The following RNF213 variants were observed in gnomAD, a reference collection of about 807,000 sequenced individuals.
The protein encoded by RNF213 is E3 ubiquitin-protein ligase RNF213.
RNF213 carries 341 observed loss-of-function variants against 514.4 expected under a neutral mutation model. The ratio of observed to expected loss-of-function variants is 0.66; its 90% CI spans 0.61 to 0.73. The LOEUF (loss-of-function observed/expected upper bound fraction) is 0.73. Among genes scored for constraint, RNF213 ranks in the 30% least tolerant of loss-of-function variants. The pLI is 0.00. For missense variants in RNF213, 5,767 were observed against 6,615.6 expected, an observed-to-expected ratio of 0.87 and a Z score of 4.45; for synonymous variants, 2,655 against 2,658.2, an observed-to-expected ratio of 1.00 and a Z score of 0.04.
At chr17:80,325,676 C>CT (rs72532137) in intron 18 of RNF213, among the ~76,000 whole-genome samples, 2 of 74,164 alleles carry the variant, frequency 2.7e-5, no homozygotes, top group African/African-American at 2.1e-4. Flanking sequence ...GTCTGATTTC[C>CT]CCCCAGCCCC....
chr17:80,374,689 GATGCAGCCCATC>G, intron 50 of RNF213, 100 bp downstream of exon 50: 6 of 1,409,784 alleles, frequency 4.3e-6, no homozygotes, highest in Non-Finnish European at 5.9e-6. Context: ...ATGGACCACT[GATGCAGCCCATC>G]ACGTGACACT....
intron 11 of RNF213, among the ~76,000 whole-genome samples, chr17:80,305,919 ATTAAG>A (rs1262168361): frequency 3.3e-5 from 5 of 151,694 alleles, no homozygotes; most frequent in Admixed American, 6.6e-5. Flanking sequence ...ACGCCCGGCC[ATTAAG>A]TTAATTCTCA....
intron 3 of RNF213, among the ~76,000 whole-genome samples, chr17:80,285,042 C>T (rs761566335): frequency 1.3e-5 from 2 of 152,178 alleles, no homozygotes; most frequent in Non-Finnish European, 2.9e-5. Flanking sequence ...AGGGACCATT[C>T]CCCAGGATGG....
In RNF213 at chr17:80,295,777, A is replaced by G; in HGVS notation, c.1976A>G (p.His659Arg). The change falls in exon 10 of 68, where the codon CAC (histidine) becomes CGC (arginine). Residue 659 changes from histidine (H) to arginine (R), a missense_variant. Physicochemically the swap from His to Arg is conservative, Grantham distance 29. Transcript: ENST00000582970. ...TSDASSPDEF[H>R]RDLSHILGIP... ...GATGCCAGCTCACCAGATGAGTTTC[A>G]CCGTGACCTAAGCCACATCCTTGGG... The G allele has an allele frequency of 1.2e-6, 2 of 1,614,152 alleles. No individual in the cohort carries two copies. The highest frequency in any genetic ancestry group is 1.7e-6 in the Non-Finnish European group (2 of 1,180,032).
At chr17:80,389,125 C>T (rs748757110) in intron 64 of RNF213, 48 bp from the exon 65 acceptor site, 3 of 1,578,850 alleles carry the variant, frequency 1.9e-6, no homozygotes, top group Non-Finnish European at 2.6e-6. Flanking sequence ...TGGTGAGATG[C>T]CAGAAACCCA....
rs903482925 is a variant in RNF213 at position 80,395,265 on chromosome 17, T to C, written c.*1767T>C. 1.3e-5 allele frequency: 2 copies of C among 152,206 alleles called. No homozygotes were observed. The highest frequency in any genetic ancestry group is 4.8e-5 in the African/African-American group (2 of 41,444). 9.4% of individuals were successfully genotyped at this position (152,206 alleles called of 1,614,324 possible). A position where few individuals can be genotyped will look rare whatever the true frequency, so the allele number is the denominator to read the frequency against. On this transcript the variant is annotated 3_prime_UTR_variant, in exon 68 of 68. Coordinates refer to ENST00000582970, the MANE Select transcript of RNF213 (RefSeq NM_001256071.3). Reference sequence around the variant, plus strand: ...AAAAAAAAAAAAAATGAATTTTATTTTACTTGTCACACCTGTCTTAATAAA... The same window carrying C: ...AAAAAAAAAAAAAATGAATTTTATTCTACTTGTCACACCTGTCTTAATAAA...
intron 3 of RNF213, among the ~76,000 whole-genome samples, chr17:80,281,201 A>T (rs1279124092): frequency 1.2e-5 from 1 of 82,670 alleles, no homozygotes; most frequent in Non-Finnish European, 2.3e-5. Context: ...CCCCACTCAC[A>T]CCACTCACAC....
In RNF213 at chr17:80,290,480, T is replaced by C. The variant is rs536800737; in HGVS notation, c.1113-90T>C. 1.6e-3 allele frequency: 2,289 copies of C among 1,456,106 alleles called. 7 individuals are homozygous for C. Among genetic ancestry groups the C allele is most frequent in the South Asian group, 3.9e-3 (341 of 87,220 alleles). The allele number at this position is 1,456,106 out of a possible 1,614,324, so 90.2% of individuals were successfully genotyped here. Reference sequence around the variant, plus strand: ...GTGCATGTGTGTGTGCACGTGTGTGTGCGCACGTGTGTGTGTGCGCGTGTG... The same window carrying C: ...GTGCATGTGTGTGTGCACGTGTGTGCGCGCACGTGTGTGTGTGCGCGTGTG... On this transcript the variant is annotated intron_variant, in intron 6 of 67. Transcript: ENST00000582970.
rs758994318 is a variant in RNF213 at position 80,369,743 on chromosome 17, G to A, written c.12326-25G>A. The A allele has an allele frequency of 3.7e-6, 6 of 1,612,264 alleles. No individual in the cohort carries two copies. The Admixed American group carries it at 1.0e-4, about 27-fold the overall frequency. ...CGCTTCTGCATGTCTCATGCAGTGA[G>A]CTGCCTTTTTCTTTCTGGTTTAAGG... On this transcript the variant is annotated intron_variant, in intron 45 of 67. Transcript: ENST00000582970.
At chr17:80,312,159 A>G (rs969589257) in intron 14 of RNF213, among the ~76,000 whole-genome samples, 3 of 151,984 alleles carry the variant, frequency 2.0e-5, no homozygotes, top group East Asian at 1.9e-4. Context: ...AAGAAAAGAA[A>G]AAGACCACAC....
rs923850448 is a variant in RNF213 at position 80,394,369 on chromosome 17, T to G, written c.*871T>G. ...CAGTCTCAGTGTGCTCTCGCATGTA[T>G]GAATATCTAGTCCTTTCTGTGGTTC... On this transcript the variant is annotated 3_prime_UTR_variant, in exon 68 of 68. Transcript: ENST00000582970. 6.6e-6 allele frequency: 1 copy of G among 152,240 alleles called. No individual in the cohort carries two copies. Among genetic ancestry groups the G allele is most frequent in the African/African-American group, 2.4e-5 (1 of 41,462 alleles). 9.4% of individuals were successfully genotyped at this position (152,240 alleles called of 1,614,324 possible). A position where few individuals can be genotyped will look rare whatever the true frequency, so the allele number is the denominator to read the frequency against.
intron 17 of RNF213, among the ~76,000 whole-genome samples, chr17:80,322,754 A>G (rs950545780): frequency 1.3e-5 from 2 of 152,086 alleles, no homozygotes; most frequent in Admixed American, 1.3e-4. Context: ...TTTTTATTAT[A>G]GAGTTGGGAG....
intron 3 of RNF213, chr17:80,278,615 G>A: frequency 1.1e-6 from 1 of 939,660 alleles, no homozygotes; most frequent in Non-Finnish European, 1.6e-6. Context: ...AGACGGTGCT[G>A]GGAAGCTGGT....
At chr17:80,359,259 C>T (rs183836827) in intron 37 of RNF213, among the ~76,000 whole-genome samples, 18 of 152,104 alleles carry the variant, frequency 1.2e-4, no homozygotes, top group Admixed American at 2.6e-4. Context: ...GGCTCGGTGG[C>T]TCATGCCTAT....
In RNF213 at chr17:80,367,807, T is replaced by A. The variant is rs780843980; in HGVS notation, c.11931T>A (p.Thr3977=). Residue 3977 remains threonine (T), a synonymous_variant, in exon 43 of 68, where the codon ACT becomes ACA. Coordinates refer to ENST00000582970, the MANE Select transcript of RNF213 (RefSeq NM_001256071.3). ...GGCCTTTTGAGGCCGTGATGCGCAC[T>A]CTCTGTGAATGCAAGGAGACAGCCA... ...THGPFEAVMR[T]LCECKETASK... is the part of the protein sequence containing the mutation. 4 of 1,614,222 alleles carry A rather than the reference T, an allele frequency of 2.5e-6. No homozygotes were observed. The highest frequency in any genetic ancestry group is 1.7e-6 in the Non-Finnish European group (2 of 1,180,034).
chr17:80,281,168 CACATACCCTCCACACACACAT>C (rs1291011847), intron 3 of RNF213, among the ~76,000 whole-genome samples: 60 of 122,756 alleles, frequency 4.9e-4, no homozygotes, highest in African/African-American at 1.9e-3. Flanking sequence ...CACACCCCCA[CACATACCCTCCACACACACAT>C]ACCCCACTCA....
rs531252783 is a variant in RNF213, at chr17:80,372,885, G to A, written c.12752-90G>A. ...GATGTGTTTCTGTGAATGCCTGTGG[G>A]TAGGTCCGATGCCCTCTGGTTGGCC... is the stretch of plus-strand genomic sequence containing the variant. On this transcript the variant is annotated intron_variant, in intron 48 of 67. Transcript: ENST00000582970. The A allele has an allele frequency of 5.6e-5, 80 of 1,423,610 alleles. No homozygotes were observed. In the African/African-American group the frequency reaches 6.6e-4, roughly 12 times the overall value. 88.2% of individuals were successfully genotyped at this position (1,423,610 alleles called of 1,614,324 possible). A position where few individuals can be genotyped will look rare whatever the true frequency, so the allele number is the denominator to read the frequency against.
intron 3 of RNF213, chr17:80,278,797 G>A: frequency 6.5e-7 from 1 of 1,537,252 alleles, no homozygotes. Flanking sequence ...AGATGCTGCT[G>A]TAGACCTCAT....
In RNF213 at chr17:80,273,103, T is replaced by C. The variant is rs939224565; in HGVS notation, c.98-138T>C. 3 of 1,147,988 alleles carry C rather than the reference T, an allele frequency of 2.6e-6. No individual in the cohort carries two copies. In the African/African-American group the frequency reaches 4.6e-5, roughly 17 times the overall value. 71.1% of individuals were successfully genotyped at this position (1,147,988 alleles called of 1,614,324 possible). A position where few individuals can be genotyped will look rare whatever the true frequency, so the allele number is the denominator to read the frequency against. ...TGGAGCAGAACCCCTACCCTGCTCA[T>C]GTTAGCAGGCCCAATGCAGGACCTC... On this transcript the variant is annotated intron_variant, in intron 2 of 67. Transcript: ENST00000582970.
Sources: gnomAD v4.1 joint callset for allele counts (sites outside exome capture counted in the v4.1 genomes callset) on GRCh38, gnomAD v4.1.1 for gene constraint, MANE v1.5 for transcripts, NCBI Gene and HGNC (gene_info 2026-07-23, HGNC 2026-07-21) for gene names.